Variants in DSP observed in about 807,000 individuals in gnomAD.
The protein encoded by DSP is desmoplakin.
Under a neutral mutation model 290.6 loss-of-function variants are expected in DSP, and 114 were observed. The ratio of observed to expected loss-of-function variants is 0.39; its 90% confidence interval spans 0.34 to 0.46. The LOEUF (loss-of-function observed/expected upper bound fraction) is 0.46. Ranked by LOEUF, DSP falls within the 20% of genes least tolerant of loss-of-function variation. The pLI is 0.99. For synonymous variants in DSP, 1,311 were observed against 1,316.4 expected (o/e 1.00, Z 0.09); for missense variants, 3,230 against 3,495.8 (o/e 0.92, Z 1.92).
Position 7,580,464 on chromosome 6 carries a change from G to A in DSP, c.4274G>A (p.Arg1425Lys), listed in dbSNP as rs577560157. The change falls in exon 23 of 24, where the codon AGG becomes AAG. Residue 1425 changes from arginine to lysine, a missense_variant. Coordinates refer to ENST00000379802, the MANE Select transcript of DSP (RefSeq NM_004415.4). The surrounding 1 kb of genome is among the most constrained non-coding windows in gnomAD (Gnocchi z 4.2). Reference sequence around the variant, plus strand: ...ACCCAGACCACAGAGAATCTCAGGAGGGTGGAAGAAGACATCCAACAGCAA... The same window carrying A: ...ACCCAGACCACAGAGAATCTCAGGAAGGTGGAAGAAGACATCCAACAGCAA... ...TLTQTTENLR[R>K]VEEDIQQQKA... The A allele has an allele frequency of 1.2e-5, 19 of 1,613,948 alleles. No individual in the cohort carries two copies. The highest frequency in any genetic ancestry group is 1.6e-5 in the Non-Finnish European group (19 of 1,180,028).
rs142272846 is a variant in DSP at position 7,583,630 on chromosome 6, G to A, written c.6368G>A (p.Arg2123His). ...KNLIDRETGMRLLEAQIASGG... is the reference protein window; with the variant it reads ...KNLIDRETGMHLLEAQIASGG... Reference sequence around the variant, plus strand: ...TTGATTGATAGAGAAACCGGAATGCGCCTGCTGGAAGCCCAGATTGCTTCA... The same window carrying A: ...TTGATTGATAGAGAAACCGGAATGCACCTGCTGGAAGCCCAGATTGCTTCA... Residue 2123 changes from arginine to histidine, a missense_variant, in exon 24 of 24, where the codon CGC becomes CAC. Coordinates refer to ENST00000379802, the MANE Select transcript of DSP (RefSeq NM_004415.4). This position sits in a 1 kb window ranked among gnomAD's most constrained non-coding sequence, Gnocchi z 4.0. The A allele has an allele frequency of 1.4e-5, 22 of 1,614,030 alleles. No individual in the cohort carries two copies. The highest frequency in any genetic ancestry group is 4.0e-5 in the African/African-American group (3 of 74,904).
intron 1 of DSP, among the ~76,000 whole-genome samples, chr6:7,547,429 G>C (rs1758198871): frequency 6.6e-6 from 1 of 151,918 alleles, no homozygotes; most frequent in Admixed American, 6.6e-5. Context: ...CATTTTGTTT[G>C]TTTGTTTGTT....
At chr6:7,577,514 G>A (rs1759276047) in intron 20 of DSP, among the ~76,000 whole-genome samples, 1 of 152,118 alleles carries the variant, frequency 6.6e-6, no homozygotes, top group Non-Finnish European at 1.5e-5. Flanking sequence ...TTTTAGTAGA[G>A]ACAGGGTTTC....
At chr6:7,556,303 T>C (rs1272083503) in intron 2 of DSP, among the ~76,000 whole-genome samples, 1 of 152,134 alleles carries the variant, frequency 6.6e-6, no homozygotes, top group African/African-American at 2.4e-5. Flanking sequence ...GGAGAAATGG[T>C]AACATTTCTG....
At position 7,580,196 on chromosome 6, in the gene DSP, G is replaced by C; in HGVS notation, c.4006G>C (p.Glu1336Gln). 3 of 1,614,096 alleles carry C rather than the reference G, an allele frequency of 1.9e-6. No individual in the cohort carries two copies. In the South Asian group the frequency reaches 3.3e-5, roughly 18 times the overall value. The change falls in exon 23 of 24, where the codon GAG becomes CAG. Residue 1336 changes from glutamate (E) to glutamine (Q), a missense_variant. By Grantham distance (29) the Glu-to-Gln change is conservative. Around this residue, in one of 5 missense-constraint regions of DSP, gnomAD observed 1,714 missense variants for 1,844.5 expected, o/e 0.93. Transcript: ENST00000379802. The surrounding 1 kb of genome is among the most constrained non-coding windows in gnomAD (Gnocchi z 4.2). ...CGAGAGACTCAAAGCTGAGTTTCAG[G>C]AGGAGGCCAAGCGCCGCTGGGAATA... ...EIERLKAEFQEEAKRRWEYEN... is the reference protein window; with the variant it reads ...EIERLKAEFQQEAKRRWEYEN...
chr6:7,582,543 T>C lies in DSP; in HGVS notation c.5380-99T>C. 3 of 1,080,428 alleles carry C rather than the reference T, an allele frequency of 2.8e-6. No individual in the cohort carries two copies. The South Asian group carries it at 4.3e-5, about 16-fold the overall frequency. 66.9% of individuals were successfully genotyped at this position (1,080,428 alleles called of 1,614,324 possible). A position where few individuals can be genotyped will look rare whatever the true frequency, so the allele number is the denominator to read the frequency against. On this transcript the variant is annotated intron_variant, in intron 23 of 23. Transcript: ENST00000379802. The surrounding 1 kb of genome is among the most constrained non-coding windows in gnomAD (Gnocchi z 4.2). ...AAAGAAAAAATAAGCAAGGCTTTTTTTTTTAAAGATAGATACACAAAAGAA... is the reference window on the plus strand; with the variant it reads ...AAAGAAAAAATAAGCAAGGCTTTTTCTTTTAAAGATAGATACACAAAAGAA...
intron 12 of DSP, among the ~76,000 whole-genome samples, chr6:7,569,690 C>G (rs1316395293): frequency 6.6e-6 from 1 of 151,972 alleles, no homozygotes; most frequent in Non-Finnish European, 1.5e-5. Context: ...TAAAATTAGC[C>G]AGGTGTGGTG....
At position 7,541,768 on chromosome 6, in the gene DSP, C is replaced by T; in HGVS notation, c.-148C>T. 1 of 1,031,258 alleles carries T rather than the reference C, an allele frequency of 9.7e-7. No homozygotes were observed. Among genetic ancestry groups the T allele is most frequent in the Non-Finnish European group, 1.4e-6 (1 of 735,684 alleles). The allele number at this position is 1,031,258 out of a possible 1,614,324, so 63.9% of individuals were successfully genotyped here. On this transcript the variant is annotated 5_prime_UTR_variant, in exon 1 of 24. Transcript: ENST00000379802. ...CGCTCGCAGCGGCCTCGGGAGGGCC[C>T]AGGTAGCGAGCAGCGACCTCGCGAG... is the stretch of plus-strand genomic sequence containing the variant.
chr6:7,570,365 G>A lies in DSP; in HGVS notation c.1575-72G>A, dbSNP rs1370048725. On this transcript the variant is annotated intron_variant, in intron 12 of 23. Transcript: ENST00000379802. ...TAGGTTTTTGTGCAGTGGTGTGAGC[G>A]TGTCCAGGTTTCCCATTTGGGATGA... The A allele has an allele frequency of 1.4e-5, 22 of 1,610,696 alleles. No individual in the cohort carries two copies. In the Middle Eastern group the frequency reaches 5.0e-4, roughly 36 times the overall value.
Position 7,585,257 on chromosome 6 carries a change from G to A in DSP, c.7995G>A (p.Thr2665=), listed in dbSNP as rs35379048. 721 of 1,614,106 alleles carry A rather than the reference G, an allele frequency of 4.5e-4. 2 individuals are homozygous for A. In the African/African-American group the frequency reaches 8.4e-3, roughly 19 times the overall value. ...CAGGTGGCATCATCCACCCAACCAC[G>A]GGCCAGAAGCTGTCACTTCAGGACG... is the stretch of plus-strand genomic sequence containing the variant. The part of the protein sequence containing the change: ...ACTGGIIHPT[T]GQKLSLQDAV... The change falls in exon 24 of 24, where the codon ACG becomes ACA. Residue 2665 remains threonine, a synonymous_variant. Coordinates refer to ENST00000379802, the MANE Select transcript of DSP (RefSeq NM_004415.4).
intron 5 of DSP, among the ~76,000 whole-genome samples, 162 bp from the exon 6 acceptor site, chr6:7,563,573 GA>G (rs1390382999): frequency 2.0e-5 from 3 of 152,070 alleles, no homozygotes; most frequent in Non-Finnish European, 2.9e-5. Flanking sequence ...AACCGCCTAG[GA>G]AAAAGTCCCC....
rs1001343270 is a variant in DSP at position 7,584,351 on chromosome 6, C to T, written c.7089C>T (p.His2363=). The T allele has an allele frequency of 1.7e-5, 27 of 1,614,016 alleles. No individual in the cohort carries two copies. The highest frequency in any genetic ancestry group is 6.6e-5 in the South Asian group (6 of 91,080). The change falls in exon 24 of 24, where the codon CAC becomes CAT. Residue 2363 remains histidine (H), a synonymous_variant. Coordinates refer to ENST00000379802, the MANE Select transcript of DSP (RefSeq NM_004415.4). The surrounding 1 kb of genome is among the most constrained non-coding windows in gnomAD (Gnocchi z 6.4). ...AMNKELIEKG[H]GIRLLEAQIA... is the part of the protein sequence containing the mutation. ...ATAAGGAACTCATCGAAAAGGGCCA[C>T]GGTATTCGCTTATTAGAAGCACAGA... is the stretch of plus-strand genomic sequence containing the variant.
At position 7,585,218 on chromosome 6, in the gene DSP, G is replaced by A. The variant is rs759771417; in HGVS notation, c.7956G>A (p.Glu2652=). 1.9e-6 allele frequency: 3 copies of A among 1,614,034 alleles called. No individual in the cohort carries two copies. Among genetic ancestry groups the A allele is most frequent in the Non-Finnish European group, 2.5e-6 (3 of 1,180,058 alleles). ...VDSITGQRLL[E]AQACTGGIIH... is the part of the protein sequence containing the mutation. ...GCATCACGGGTCAGAGGCTTCTGGA[G>A]GCTCAGGCCTGCACAGGTGGCATCA... Residue 2652 remains glutamate (E), a synonymous_variant, in exon 24 of 24, where the codon GAG becomes GAA. Transcript: ENST00000379802.
chr6:7,573,535 G>C (rs1475411176), intron 15 of DSP, among the ~76,000 whole-genome samples: 1 of 150,882 alleles, frequency 6.6e-6, no homozygotes, highest in Non-Finnish European at 1.5e-5. Context: ...CTGAGATCAC[G>C]CCATTGCACT....
intron 3 of DSP, 52 bp downstream of exon 3, chr6:7,558,316 A>G (rs755209313): frequency 6.3e-6 from 10 of 1,583,374 alleles, no homozygotes; most frequent in Admixed American, 1.8e-5. Flanking sequence ...AGAACACCAC[A>G]TAACCAGTTA....
In DSP at chr6:7,576,428, C is replaced by T. The variant is rs755099716; in HGVS notation, c.2765C>T (p.Thr922Ile). Residue 922 changes from threonine (T) to isoleucine (I), a missense_variant, in exon 19 of 24, where the codon ACA (threonine) becomes ATA (isoleucine). Around this residue, in one of 5 missense-constraint regions of DSP, gnomAD observed 1,714 missense variants for 1,844.5 expected, o/e 0.93. Transcript: ENST00000379802. ...TCCATGAAATTTGGAGATTCCAACA[C>T]AGTCATGCGGTTTTTGAATGAGCAG... Reference protein sequence around the residue: ...LESMKFGDSNTVMRFLNEQKN... With the variant: ...LESMKFGDSNIVMRFLNEQKN... 1.1e-4 allele frequency: 173 copies of T among 1,613,998 alleles called. 1 individual carries two copies. The South Asian group carries it at 1.8e-3, about 17-fold the overall frequency.
At position 7,584,295 on chromosome 6, in the gene DSP, G is replaced by C. The variant is rs758919943; in HGVS notation, c.7033G>C (p.Gly2345Arg). 4.3e-6 allele frequency: 7 copies of C among 1,614,140 alleles called. No individual in the cohort carries two copies. In the Admixed American group the frequency reaches 1.2e-4, roughly 27 times the overall value. The change falls in exon 24 of 24, where the codon GGA becomes CGA. Residue 2345 changes from glycine (G) to arginine (R), a missense_variant. Physicochemically the swap from Gly to Arg is moderately radical, Grantham distance 125 (BLOSUM62 -2). Around this residue, in one of 5 missense-constraint regions of DSP, gnomAD observed 207 missense variants for 281.2 expected, o/e 0.74. Coordinates refer to ENST00000379802, the MANE Select transcript of DSP (RefSeq NM_004415.4). This position sits in a 1 kb window ranked among gnomAD's most constrained non-coding sequence, Gnocchi z 6.4. ...AVTGYNDPET[G>R]NIISLFQAMN... ...CACTGGGTATAATGATCCTGAAACA[G>C]GAAACATCATCTCTTTGTTCCAAGC... is the stretch of plus-strand genomic sequence containing the variant.
chr6:7,562,233 AG>A (rs1758715096), intron 4 of DSP, among the ~76,000 whole-genome samples: 1 of 152,102 alleles, frequency 6.6e-6, no homozygotes, highest in Admixed American at 6.5e-5. Context: ...TTTGGGGAAC[AG>A]TGTATGATTG....
At chr6:7,545,754 G>T (rs1044329145) in intron 1 of DSP, among the ~76,000 whole-genome samples, 1 of 152,212 alleles carries the variant, frequency 6.6e-6, no homozygotes, top group African/African-American at 2.4e-5. Context: ...GGGGCACTGG[G>T]AAGACTTTAT....
Sources: allele counts gnomAD v4.1 joint callset (sites outside exome capture counted in the v4.1 genomes callset), GRCh38; gene constraint gnomAD v4.1.1; regional missense constraint gnomAD v4.1.1; non-coding constraint Gnocchi (gnomAD v3.1); transcripts MANE v1.5; gene names NCBI Gene and HGNC (gene_info 2026-07-23, HGNC 2026-07-21).